RGS7BP: variants seen among roughly 807,000 people sequenced by gnomAD.
RGS7BP encodes regulator of G protein signaling 7 binding protein.
Under a neutral mutation model 31.3 loss-of-function variants are expected in RGS7BP, and 9 were observed. That is an observed-to-expected ratio of 0.29 (90% CI 0.17 to 0.50). The LOEUF (loss-of-function observed/expected upper bound fraction) is 0.50, where lower values mean the gene tolerates loss of function less well. RGS7BP is among the 20% of genes least tolerant of loss of function. RGS7BP has a pLI of 0.98. For synonymous variants in RGS7BP, 115 were observed against 120.1 expected, an observed-to-expected ratio of 0.96 and a Z score of 0.28; for missense variants, 274 against 322.0, an observed-to-expected ratio of 0.85 and a Z score of 1.14.
At chr5:64,570,215 A>T (rs1742272777) in intron 2 of RGS7BP, among the ~76,000 whole-genome samples, 1 of 152,080 alleles carries the variant, frequency 6.6e-6, no homozygotes, top group Non-Finnish European at 1.5e-5. Flanking sequence ...AAGTAAACAC[A>T]AGTTTGATAT....
chr5:64,607,874 G>T (rs1049316491), intron 5 of RGS7BP, among the ~76,000 whole-genome samples: 1 of 149,576 alleles, frequency 6.7e-6, no homozygotes, highest in Non-Finnish European at 1.5e-5. Flanking sequence ...GTGGTTGGGG[G>T]GTTTACAATT....
chr5:64,574,394 A>G (rs1159107573), intron 2 of RGS7BP, among the ~76,000 whole-genome samples: 1 of 151,916 alleles, frequency 6.6e-6, no homozygotes, highest in Non-Finnish European at 1.5e-5. Context: ...CTATGGGAGG[A>G]TGCTCTGAAA....
rs1212311761 is a variant in RGS7BP, at chr5:64,610,671, T to G, written c.*1419T>G. 1.3e-5 allele frequency: 2 copies of G among 151,986 alleles called. No homozygotes were observed. The highest frequency in any genetic ancestry group is 3.9e-4 in the East Asian group (2 of 5,180). 9.4% of individuals were successfully genotyped at this position (151,986 alleles called of 1,614,324 possible). On this transcript the variant is annotated 3_prime_UTR_variant, in exon 6 of 6. Transcript: ENST00000334025. ...TATACCAATATTTTTACCTAAAAAC[T>G]AAATATATTAAGGCCTTTTGCTTTA... is the stretch of plus-strand genomic sequence containing the variant.
chr5:64,577,308 G>C (rs12655371), intron 3 of RGS7BP, among the ~76,000 whole-genome samples: 47,314 of 151,862 alleles, frequency 0.31, 7,655 homozygotes, highest in South Asian at 0.38. Flanking sequence ...CAGGCTTGGT[G>C]GGGGGCGCCT....
intron 2 of RGS7BP, among the ~76,000 whole-genome samples, chr5:64,575,171 T>A (rs2111897847): frequency 6.6e-6 from 1 of 152,270 alleles, no homozygotes; most frequent in South Asian, 2.1e-4. Flanking sequence ...TAGCTTTAGA[T>A]TGTTAAGTAT....
Position 64,549,448 on chromosome 5 carries a change from G to A in RGS7BP, c.333-26326G>A, listed in dbSNP as rs79886576. 4.4e-3 allele frequency among the ~76,000 whole-genome samples: 664 copies of A among 152,340 alleles called. 19 individuals carry two copies. In the East Asian group the frequency reaches 0.074, roughly 17 times the overall value. On this transcript the variant is annotated intron_variant, in intron 2 of 5. Coordinates refer to ENST00000334025, the MANE Select transcript of RGS7BP (RefSeq NM_001029875.3). ...GTGGGGGTCCTGCCCCCATGGCTCT[G>A]CCAAGCAGTTCTGCCCTCAAGGCTT...
At chr5:64,604,337 C>A (rs551346017) in intron 5 of RGS7BP, among the ~76,000 whole-genome samples, 1 of 152,112 alleles carries the variant, frequency 6.6e-6, no homozygotes, top group African/African-American at 2.4e-5. Flanking sequence ...ATCTCCCCCC[C>A]TTCTCCTGCC....
intron 2 of RGS7BP, among the ~76,000 whole-genome samples, chr5:64,527,985 T>C (rs572754957): frequency 2.0e-4 from 31 of 152,332 alleles, no homozygotes; most frequent in African/African-American, 7.0e-4. Flanking sequence ...TGAAATATAG[T>C]TGTAGAAAAT....
At chr5:64,601,355 T>C (rs1254520288) in intron 5 of RGS7BP, 7 of 569,776 alleles carry the variant, frequency 1.2e-5, no homozygotes, top group Non-Finnish European at 1.6e-5. Flanking sequence ...GTTCCATGTT[T>C]ATTTCAGCAT....
chr5:64,566,608 AGG>A (rs749024972), intron 2 of RGS7BP, among the ~76,000 whole-genome samples: 3 of 152,076 alleles, frequency 2.0e-5, no homozygotes, highest in Non-Finnish European at 4.4e-5. Context: ...ATCTCCACCC[AGG>A]GGAGGTTTTC....
At chr5:64,535,286 T>C (rs1482829881) in intron 2 of RGS7BP, among the ~76,000 whole-genome samples, 2 of 152,164 alleles carry the variant, frequency 1.3e-5, no homozygotes, top group African/African-American at 4.8e-5. Context: ...AATATACAGA[T>C]CTATTAAAGT....
At chr5:64,513,316 C>T (rs1399626277) in intron 2 of RGS7BP, among the ~76,000 whole-genome samples, 1 of 152,152 alleles carries the variant, frequency 6.6e-6, no homozygotes, top group Admixed American at 6.5e-5. Flanking sequence ...TCCTTTTCTC[C>T]TTCTCTTTCC....
chr5:64,579,906 G>A (rs1343622833), intron 3 of RGS7BP, among the ~76,000 whole-genome samples: 1 of 152,108 alleles, frequency 6.6e-6, no homozygotes, highest in African/African-American at 2.4e-5. Context: ...TGTATTGTGT[G>A]CTAATTCATA....
intron 3 of RGS7BP, among the ~76,000 whole-genome samples, chr5:64,581,926 G>A (rs78325902): frequency 0.011 from 1,707 of 152,244 alleles, 26 homozygotes; most frequent in East Asian, 0.032. Flanking sequence ...GTACAGTAAC[G>A]TGAGGTAAAA....
intron 5 of RGS7BP, among the ~76,000 whole-genome samples, chr5:64,603,886 A>G (rs1247150911): frequency 4.6e-5 from 7 of 152,148 alleles, no homozygotes. Flanking sequence ...TATAGAAGCA[A>G]TGGGAACGTG....
At chr5:64,536,612 T>C (rs2111796846) in intron 2 of RGS7BP, among the ~76,000 whole-genome samples, 1 of 152,316 alleles carries the variant, frequency 6.6e-6, no homozygotes, top group East Asian at 1.9e-4. Context: ...GTGCTAAAGG[T>C]ATTCTTTTAA....
At chr5:64,556,844 C>G (rs1741940923) in intron 2 of RGS7BP, among the ~76,000 whole-genome samples, 1 of 151,504 alleles carries the variant, frequency 6.6e-6, no homozygotes, top group South Asian at 2.1e-4. Context: ...GTGTGTGCCT[C>G]TGTGTGTGTA....
chr5:64,506,690 G>T lies in RGS7BP; in HGVS notation c.66G>T (p.Gln22His). ...GGTCCACCCGCTCCTCGATCTTCCA[G>T]ATCAGCAAGCCCCCGCTGCAGAGCG... is the stretch of plus-strand genomic sequence containing the variant. ...PSRSTRSSIF[Q>H]ISKPPLQSGD... The change falls in exon 1 of 6, where the codon CAG becomes CAT. Residue 22 changes from glutamine to histidine, a missense_variant. Physicochemically the swap from Gln to His is conservative, Grantham distance 24 (BLOSUM62 0). Around this residue, in one of 3 missense-constraint regions of RGS7BP, gnomAD observed 149 missense variants for 152.6 expected, o/e 0.98. Coordinates refer to ENST00000334025, the MANE Select transcript of RGS7BP (RefSeq NM_001029875.3). This position sits in a 1 kb window ranked among gnomAD's most constrained non-coding sequence, Gnocchi z 4.6. 1.2e-6 allele frequency: 2 copies of T among 1,613,466 alleles called. No individual in the cohort carries two copies. Among genetic ancestry groups the T allele is most frequent in the Non-Finnish European group, 1.7e-6 (2 of 1,179,508 alleles).
intron 2 of RGS7BP, among the ~76,000 whole-genome samples, chr5:64,515,701 C>G (rs1748953068): frequency 1.5e-5 from 2 of 136,690 alleles, no homozygotes; most frequent in South Asian, 4.9e-4. Context: ...TAATTACTTG[C>G]CTATATGCAT....
Sources: allele counts gnomAD v4.1 joint callset (sites outside exome capture counted in the v4.1 genomes callset), GRCh38; gene constraint gnomAD v4.1.1; regional missense constraint gnomAD v4.1.1; non-coding constraint Gnocchi (gnomAD v3.1); transcripts MANE v1.5; gene names NCBI Gene and HGNC (gene_info 2026-07-23, HGNC 2026-07-21).